OTC: variants seen among roughly 807,000 people sequenced by gnomAD.
The protein encoded by OTC is ornithine transcarbamylase.
Under a neutral mutation model 30.3 loss-of-function variants are expected in OTC, and 3 were observed. That is an observed-to-expected ratio of 0.10 (90% CI 0.05 to 0.26). OTC has a LOEUF of 0.26. OTC is among the 10% of genes least tolerant of loss of function. The pLI, the probability that OTC is intolerant of heterozygous loss-of-function variation, is 1.00. For synonymous variants in OTC, 111 were observed against 99.7 expected, an observed-to-expected ratio of 1.11 and a Z score of -0.67; for missense variants, 194 against 260.3, an observed-to-expected ratio of 0.75 and a Z score of 1.75.
rs1053708053 is a variant in OTC at position 38,375,613 on chromosome X, T to G, written c.299-5729T>G. 5.4e-5 allele frequency among the ~76,000 whole-genome samples: 6 copies of G among 111,581 alleles called. 1 individual carries two copies. In the Admixed American group the frequency reaches 5.7e-4, roughly 11 times the overall value. On this transcript the variant is annotated intron_variant, in intron 3 of 9. Transcript: ENST00000039007. Reference sequence around the variant, plus strand: ...CAAGGATGACTTTAAGATTTCTGCCTGAGCAAATGTGAAGGCTGGTGATGG... The same window carrying G: ...CAAGGATGACTTTAAGATTTCTGCCGGAGCAAATGTGAAGGCTGGTGATGG...
the OTC span, among the ~76,000 whole-genome samples, chrX:38,342,112 C>T: frequency 4.8e-5 from 5 of 103,862 alleles, 1 homozygote; most frequent in African/African-American, 1.4e-4. Flanking sequence ...CTCCGCCTCC[C>T]GGGTTCAAGC....
intron 9 of OTC, among the ~76,000 whole-genome samples, chrX:38,413,349 A>G (rs2068553035): frequency 8.9e-6 from 1 of 112,096 alleles, no homozygotes; most frequent in Non-Finnish European, 1.9e-5. Context: ...TATTGATCTG[A>G]TACAGACCCT....
chrX:38,393,747 T>C (rs1305595009), intron 4 of OTC, among the ~76,000 whole-genome samples: 1 of 112,403 alleles, frequency 8.9e-6, no homozygotes, highest in African/African-American at 3.2e-5. Flanking sequence ...CTTTAACAAA[T>C]TACCACATAC....
the OTC span, among the ~76,000 whole-genome samples, chrX:38,333,215 C>CAAAAAA: frequency 2.1e-5 from 1 of 47,169 alleles, no homozygotes; most frequent in African/African-American, 6.1e-5. Flanking sequence ...AACTCTGTCT[C>CAAAAAA]AAAAAAAAAA....
chrX:38,370,028 T>C, intron 3 of OTC, 151 bp downstream of exon 3: 1 of 416,475 alleles, frequency 2.4e-6, no homozygotes, highest in Admixed American at 4.0e-5. Flanking sequence ...AGCCTGTGAA[T>C]GAGATTTCCA....
rs762154747 is a variant in OTC at position 38,417,623 on chromosome X, C to T, written c.1006-3400C>T. ...ATGATGTACATACAGCACTCAGCAC[C>T]GGGCCTGGCATGTGATAACTTTGAT... is the stretch of plus-strand genomic sequence containing the variant. On this transcript the variant is annotated intron_variant, in intron 9 of 9. Transcript: ENST00000039007. Among the ~76,000 whole-genome samples the T allele has an allele frequency of 9.8e-5, 11 of 111,729 alleles. No individual in the cohort carries two copies. The South Asian group carries it at 2.7e-3, about 27-fold the overall frequency.
the OTC span, among the ~76,000 whole-genome samples, chrX:38,342,589 G>T: frequency 9.0e-6 from 1 of 111,668 alleles, no homozygotes; most frequent in South Asian, 3.7e-4. Flanking sequence ...CTTGCCAGAT[G>T]ATTCGCTTAC....
At chrX:38,340,795 T>C in the OTC span, among the ~76,000 whole-genome samples, 2 of 109,075 alleles carry the variant, frequency 1.8e-5, no homozygotes, top group Non-Finnish European at 3.8e-5. Flanking sequence ...TGTCAGTTTC[T>C]GATTTTTTTT....
chrX:38,337,750 A>C, the OTC span, among the ~76,000 whole-genome samples: 782 of 111,297 alleles, frequency 7.0e-3, 5 homozygotes, highest in African/African-American at 0.024. Context: ...AATTCCCTGA[A>C]TTTTTTCCAT....
chrX:38,356,098 A>G (rs923601983), intron 1 of OTC, among the ~76,000 whole-genome samples: 2 of 109,553 alleles, frequency 1.8e-5, no homozygotes, highest in Non-Finnish European at 1.9e-5. Context: ...AGAAAACCAT[A>G]CAAGAGATGG....
chrX:38,333,491 G>A, the OTC span, among the ~76,000 whole-genome samples: 1 of 111,035 alleles, frequency 9.0e-6, no homozygotes, highest in Admixed American at 9.6e-5. Flanking sequence ...GCATGCTTTC[G>A]GTGTCGCCTT....
At chrX:38,400,537 A>G (rs2147340820) in intron 4 of OTC, among the ~76,000 whole-genome samples, 1 of 110,588 alleles carries the variant, frequency 9.0e-6, no homozygotes, top group South Asian at 4.0e-4. Flanking sequence ...GGCAGGTCTG[A>G]CCCCTGTGGG....
chrX:38,344,983 G>T, the OTC span, among the ~76,000 whole-genome samples: 2 of 110,949 alleles, frequency 1.8e-5, no homozygotes, highest in African/African-American at 6.6e-5. Context: ...TAAGGCTGGA[G>T]GACTGTTCAA....
rs1423202165 is a variant in OTC, at chrX:38,401,299, A to G, written c.411A>G (p.Ala137=). Residue 137 remains alanine (A), a synonymous_variant, in exon 5 of 10, where the codon GCA becomes GCG. Transcript: ENST00000039007. ...GTGTATTGTCTAGCATGGCAGATGC[A>G]GTATTGGCTCGAGTGTATAAACAAT... ...TARVLSSMAD[A]VLARVYKQSD... 8.3e-7 allele frequency: 1 copy of G among 1,204,446 alleles called. No individual in the cohort carries two copies. Among genetic ancestry groups the G allele is most frequent in the South Asian group, 1.8e-5 (1 of 56,785 alleles).
In OTC at chrX:38,409,747, A is replaced by G. The variant is rs184744515; in HGVS notation, c.867+722A>G. ...GCACAGGGGTTTTGTCAGCAAAGCA[A>G]CAAATCTACTTTGGTGGAGAAAGGG... On this transcript the variant is annotated intron_variant, in intron 8 of 9. Transcript: ENST00000039007. Among the ~76,000 whole-genome samples, 916 of 111,935 alleles carry G rather than the reference A, an allele frequency of 8.2e-3. 9 individuals carry two copies. The highest frequency in any genetic ancestry group is 0.028 in the African/African-American group (870 of 31,010).
chrX:38,351,395 C>T (rs1032934041), upstream of OTC, among the ~76,000 whole-genome samples: 4 of 111,699 alleles, frequency 3.6e-5, no homozygotes, highest in Non-Finnish European at 7.5e-5. Context: ...CTTCCTCCTA[C>T]CCTTCCTACC....
intron 4 of OTC, among the ~76,000 whole-genome samples, chrX:38,399,487 G>A (rs777914964): frequency 3.8e-4 from 42 of 111,425 alleles, no homozygotes; most frequent in Non-Finnish European, 6.6e-4. Flanking sequence ...GGTGGCTCAC[G>A]CCTGTAATCC....
At chrX:38,393,675 T>A (rs1386376815) in intron 4 of OTC, among the ~76,000 whole-genome samples, 1 of 112,535 alleles carries the variant, frequency 8.9e-6, no homozygotes, top group African/African-American at 3.2e-5. Flanking sequence ...CACTAGACAA[T>A]AATTTTTTAT....
At chrX:38,354,261 A>T (rs1488945699) in intron 1 of OTC, among the ~76,000 whole-genome samples, 1 of 112,125 alleles carries the variant, frequency 8.9e-6, no homozygotes, top group Non-Finnish European at 1.9e-5. Flanking sequence ...AATCAGTGAG[A>T]TAATGTATAT....
Sources: allele counts gnomAD v4.1 joint callset (sites outside exome capture counted in the v4.1 genomes callset), GRCh38; gene constraint gnomAD v4.1.1; transcripts MANE v1.5; gene names NCBI Gene and HGNC (gene_info 2026-07-23, HGNC 2026-07-21).